The following SLC38A1 variants were observed in gnomAD, a reference collection of about 807,000 sequenced individuals.
SLC38A1 encodes the protein solute carrier family 38 member 1, also known as sodium-coupled neutral amino acid symporter 1.
In SLC38A1, 18 loss-of-function variants were observed where a neutral mutation model predicts 60.3. The ratio of observed to expected loss-of-function variants is 0.30; its 90% CI spans 0.21 to 0.44. The LOEUF is 0.44. Ranked by LOEUF, SLC38A1 falls within the 20% of genes least tolerant of loss-of-function variation. The pLI is 1.00. For missense variants in SLC38A1, 448 were observed against 587.2 expected (o/e 0.76, Z 2.45); for synonymous variants, 196 against 212.1 (o/e 0.92, Z 0.66).
chr12:46,239,039 T>G (rs1032013511), intron 3 of SLC38A1: 5 of 152,302 alleles, frequency 3.3e-5, no homozygotes, highest in Non-Finnish European at 7.3e-5. Context: ...TAGTACACAT[T>G]TGGATATGGG....
At chr12:46,194,441 T>G (rs911546197) in intron 16 of SLC38A1, among the ~76,000 whole-genome samples, 1 of 152,208 alleles carries the variant, frequency 6.6e-6, no homozygotes, top group African/African-American at 2.4e-5. Flanking sequence ...AGTATCTTTG[T>G]GGTGTTCTCT....
At chr12:46,220,192 T>C (rs1366811376) in intron 5 of SLC38A1, among the ~76,000 whole-genome samples, 1 of 152,220 alleles carries the variant, frequency 6.6e-6, no homozygotes, top group Non-Finnish European at 1.5e-5. Context: ...AGCTTCTTAA[T>C]CCAGTGGATT....
At chr12:46,226,605 G>A (rs1044679415) in intron 5 of SLC38A1, among the ~76,000 whole-genome samples, 9 of 139,246 alleles carry the variant, frequency 6.5e-5, no homozygotes, top group African/African-American at 2.3e-4. Flanking sequence ...CAAACTGAAG[G>A]TCATGGATTT....
In SLC38A1 at chr12:46,183,913, C is replaced by G. The variant is rs1001968668; in HGVS notation, c.*5057G>C. The G allele has an allele frequency of 1.3e-5, 2 of 152,540 alleles. No homozygotes were observed. The highest frequency in any genetic ancestry group is 6.5e-5 in the Admixed American group (1 of 15,272). 9.4% of individuals were successfully genotyped at this position (152,540 alleles called of 1,614,324 possible). A position where few individuals can be genotyped will look rare whatever the true frequency, so the allele number is the denominator to read the frequency against. ...AACAAAACCACTAATTTCTAGGAAA[C>G]ATTTATTGTTTATATGCAGATCCTA... On this transcript the variant is annotated 3_prime_UTR_variant, in exon 17 of 17. Coordinates refer to ENST00000398637, the MANE Select transcript of SLC38A1 (RefSeq NM_030674.4).
chr12:46,198,923 C>T (rs1313636599), intron 13 of SLC38A1, among the ~76,000 whole-genome samples, 180 bp from the exon 14 acceptor site: 1 of 152,188 alleles, frequency 6.6e-6, no homozygotes, highest in Non-Finnish European at 1.5e-5. Flanking sequence ...CTCCACTGTG[C>T]ATACGCGACT....
At chr12:46,190,866 C>G (rs1565745968) in intron 16 of SLC38A1, among the ~76,000 whole-genome samples, 1 of 152,166 alleles carries the variant, frequency 6.6e-6, no homozygotes, top group Non-Finnish European at 1.5e-5. Context: ...CAAAGATTTT[C>G]TCCCATTCTG....
chr12:46,222,208 G>C (rs1389487019), intron 5 of SLC38A1, among the ~76,000 whole-genome samples: 1 of 151,926 alleles, frequency 6.6e-6, no homozygotes, highest in Non-Finnish European at 1.5e-5. Flanking sequence ...CTGCACTGGT[G>C]TTAAGTTCTT....
At chr12:46,228,415 G>T (rs540434391) in intron 5 of SLC38A1, among the ~76,000 whole-genome samples, 1 of 152,166 alleles carries the variant, frequency 6.6e-6, no homozygotes, top group South Asian at 2.1e-4. Flanking sequence ...AATGAAAAGC[G>T]TGAGTTTCAA....
At chr12:46,196,249 G>T (rs909585345) in intron 16 of SLC38A1, 1 of 1,536,064 alleles carries the variant, frequency 6.5e-7, no homozygotes, top group Non-Finnish European at 8.7e-7. Context: ...CAACAGGGCT[G>T]GACTGGAAAC....
chr12:46,204,471 T>C (rs1592080044), intron 10 of SLC38A1, 54 bp from the exon 11 acceptor site: 1 of 1,592,400 alleles, frequency 6.3e-7, no homozygotes, highest in Admixed American at 1.7e-5. Context: ...AGCCAATGAA[T>C]AATTATTACA....
intron 9 of SLC38A1, 22 bp from the exon 10 acceptor site, chr12:46,204,612 A>G (rs568271324): frequency 1.3e-4 from 205 of 1,563,224 alleles, no homozygotes; most frequent in Middle Eastern, 7.8e-4. Context: ...AGTAAAAAAT[A>G]AATTATTTCA....
intron 5 of SLC38A1, among the ~76,000 whole-genome samples, chr12:46,223,878 T>A (rs1940760245): frequency 6.6e-6 from 1 of 152,232 alleles, no homozygotes; most frequent in Non-Finnish European, 1.5e-5. Context: ...AAGCATTTAT[T>A]GCTTTATCAG....
intron 16 of SLC38A1, among the ~76,000 whole-genome samples, chr12:46,189,485 T>A (rs1045264897): frequency 6.6e-6 from 1 of 152,126 alleles, no homozygotes; most frequent in Non-Finnish European, 1.5e-5. Context: ...CAAGCAAACA[T>A]TTCTGTTTGA....
chr12:46,234,666 A>C (rs1002174304), intron 3 of SLC38A1, among the ~76,000 whole-genome samples: 17 of 151,930 alleles, frequency 1.1e-4, no homozygotes, highest in African/African-American at 3.6e-4. Context: ...CCAGGATGGT[A>C]TCGATCTCCT....
intron 3 of SLC38A1, among the ~76,000 whole-genome samples, chr12:46,238,016 C>T (rs1240288701): frequency 2.0e-5 from 3 of 151,810 alleles, no homozygotes; most frequent in Non-Finnish European, 4.4e-5. Context: ...AAATTTTAGA[C>T]AGACCTGTGT....
intron 6 of SLC38A1, among the ~76,000 whole-genome samples, chr12:46,208,505 G>C (rs764255145): frequency 6.6e-6 from 1 of 152,154 alleles, no homozygotes; most frequent in African/African-American, 2.4e-5. Flanking sequence ...GACCAATGTG[G>C]TTTTAGTTAA....
chr12:46,247,621 G>T (rs1415016445), intron 1 of SLC38A1, among the ~76,000 whole-genome samples: 1 of 152,148 alleles, frequency 6.6e-6, no homozygotes, highest in Non-Finnish European at 1.5e-5. Context: ...TCAGGATATT[G>T]TTCAGGAGAA....
chr12:46,239,781 C>T lies in SLC38A1; in HGVS notation c.20G>A (p.Gly7Glu), dbSNP rs1371850002. Residue 7 changes from glycine to glutamate, a missense_variant, in exon 3 of 17, where the codon GGA becomes GAA. Gly to Glu is a moderately conservative substitution (Grantham distance 98). This residue lies in a region of SLC38A1 where 102 missense variants were observed against 89.7 expected (regional missense o/e 1.14). Transcript: ENST00000398637. ...GTTTTGCAACTCAGTTAATTCGAGTCCACTTTTGAAATGCATCATGATTAG... is the reference window on the plus strand; with the variant it reads ...GTTTTGCAACTCAGTTAATTCGAGTTCACTTTTGAAATGCATCATGATTAG... Reference protein sequence around the residue: MMHFKSGLELTELQNMT... With the variant: MMHFKSELELTELQNMT... 1.9e-6 allele frequency: 3 copies of T among 1,612,846 alleles called. No homozygotes were observed. Among genetic ancestry groups the T allele is most frequent in the Non-Finnish European group, 1.7e-6 (2 of 1,179,970 alleles).
intron 16 of SLC38A1, among the ~76,000 whole-genome samples, chr12:46,192,936 T>C (rs1489635173): frequency 6.6e-6 from 1 of 152,204 alleles, no homozygotes; most frequent in Non-Finnish European, 1.5e-5. Flanking sequence ...TCTCCTTCAA[T>C]TCTGCTCCGA....
Sources: allele counts gnomAD v4.1 joint callset (sites outside exome capture counted in the v4.1 genomes callset), GRCh38; gene constraint gnomAD v4.1.1; regional missense constraint gnomAD v4.1.1; transcripts MANE v1.5; gene names NCBI Gene and HGNC (gene_info 2026-07-23, HGNC 2026-07-21).